MAP3K7CL: variants seen among roughly 807,000 people sequenced by gnomAD.
The protein encoded by MAP3K7CL is MAP3K7 C-terminal-like protein.
In MAP3K7CL, 16 loss-of-function variants were observed where a neutral mutation model predicts 18.6. The observed-to-expected ratio is 0.86, with a 90% CI of 0.58 to 1.31. The LOEUF is 1.31. Among genes scored for constraint, MAP3K7CL ranks in the 50% most tolerant of loss-of-function variants. The probability of loss-of-function intolerance (pLI) is 0.00; values close to 1 mark genes in which losing one functional copy is unlikely to be tolerated. For synonymous variants in MAP3K7CL, 65 were observed against 66.8 expected, an observed-to-expected ratio of 0.97 and a Z score of 0.13; for missense variants, 163 against 174.4, an observed-to-expected ratio of 0.93 and a Z score of 0.37.
chr21:29,144,527 T>G (rs1383493957), intron 2 of MAP3K7CL, among the ~76,000 whole-genome samples: 1 of 152,214 alleles, frequency 6.6e-6, no homozygotes, highest in Non-Finnish European at 1.5e-5. Flanking sequence ...TATGGACTAG[T>G]AAGTGAAGAA....
chr21:29,088,174 C>T (rs928470124), intron 1 of MAP3K7CL, among the ~76,000 whole-genome samples: 7 of 152,076 alleles, frequency 4.6e-5, no homozygotes, highest in Admixed American at 2.6e-4. Flanking sequence ...TAACTCTGAT[C>T]AAGATAGATG....
intron 2 of MAP3K7CL, among the ~76,000 whole-genome samples, chr21:29,134,804 C>G (rs1231191511): frequency 6.6e-6 from 1 of 152,232 alleles, no homozygotes; most frequent in African/African-American, 2.4e-5. Context: ...AATCCCAGCA[C>G]TTTGGGAGGC....
At chr21:29,134,150 A>T (rs1410046250) in intron 2 of MAP3K7CL, among the ~76,000 whole-genome samples, 1 of 151,732 alleles carries the variant, frequency 6.6e-6, no homozygotes, top group African/African-American at 2.4e-5. Flanking sequence ...CAACATTACC[A>T]TTTAAACCTT....
At chr21:29,088,912 C>A (rs1481038637) in intron 1 of MAP3K7CL, among the ~76,000 whole-genome samples, 1 of 152,088 alleles carries the variant, frequency 6.6e-6, no homozygotes, top group Non-Finnish European at 1.5e-5. Context: ...TGGTTCATGC[C>A]TGTAATCCCA....
Position 29,175,461 on chromosome 21 carries a change from A to C in MAP3K7CL, c.*569A>C, listed in dbSNP as rs1242846111. On this transcript the variant is annotated 3_prime_UTR_variant, in exon 5 of 5. Transcript: ENST00000399928. ...AGAATAAATGGTCACATATCCTAAA[A>C]GCTTCTTCATGAAATTATTAGCAGA... 1.3e-5 allele frequency: 2 copies of C among 152,232 alleles called. No individual in the cohort carries two copies. The highest frequency in any genetic ancestry group is 6.5e-5 in the Admixed American group (1 of 15,280). 9.4% of individuals were successfully genotyped at this position (152,232 alleles called of 1,614,324 possible). A position where few individuals can be genotyped will look rare whatever the true frequency, so the allele number is the denominator to read the frequency against.
chr21:29,086,815 G>A (rs2085932844), intron 1 of MAP3K7CL, among the ~76,000 whole-genome samples: 1 of 152,156 alleles, frequency 6.6e-6, no homozygotes, highest in Non-Finnish European at 1.5e-5. Context: ...CATATTGTAT[G>A]TTAGGGTTTT....
At chr21:29,108,434 A>G (rs1421215168) in intron 4 of MAP3K7CL, among the ~76,000 whole-genome samples, 2 of 152,104 alleles carry the variant, frequency 1.3e-5, no homozygotes, top group Non-Finnish European at 2.9e-5. Context: ...AATTTATAGT[A>G]TTTTCTTATG....
At chr21:29,147,540 A>ATATGTGTACTGTATCTGTATTGTATATG (rs2087161202) in intron 2 of MAP3K7CL, among the ~76,000 whole-genome samples, 1 of 151,232 alleles carries the variant, frequency 6.6e-6, no homozygotes, top group African/African-American at 2.4e-5. Flanking sequence ...TTATATATGT[A>ATATGTGTACTGTATCTGTATTGTATATG]TATGTGTACT....
At chr21:29,098,954 G>A (rs977311324) in intron 4 of MAP3K7CL, among the ~76,000 whole-genome samples, 3 of 152,186 alleles carry the variant, frequency 2.0e-5, no homozygotes, top group African/African-American at 7.2e-5. Flanking sequence ...TCTCAAAGAT[G>A]CCAAAGTGGC....
At chr21:29,125,143 T>G (rs1343838342) in intron 4 of MAP3K7CL, among the ~76,000 whole-genome samples, 1 of 152,248 alleles carries the variant, frequency 6.6e-6, no homozygotes, top group Non-Finnish European at 1.5e-5. Flanking sequence ...ATTTACATAG[T>G]GCCTGTTTTA....
chr21:29,121,233 C>G (rs1253640443), intron 4 of MAP3K7CL, among the ~76,000 whole-genome samples: 1 of 151,824 alleles, frequency 6.6e-6, no homozygotes, highest in Non-Finnish European at 1.5e-5. Flanking sequence ...AAAAGGTCTT[C>G]CCTTCATGGG....
intron 4 of MAP3K7CL, among the ~76,000 whole-genome samples, chr21:29,095,688 G>A (rs936336507): frequency 2.6e-5 from 4 of 152,204 alleles, no homozygotes; most frequent in African/African-American, 9.7e-5. Flanking sequence ...CAGTGGTTGA[G>A]AACTGTACAT....
intron 4 of MAP3K7CL, among the ~76,000 whole-genome samples, chr21:29,171,525 A>G (rs2087826225): frequency 1.3e-5 from 2 of 152,190 alleles, no homozygotes; most frequent in African/African-American, 4.8e-5. Context: ...AGTAGTATAG[A>G]GAACTCCCAA....
chr21:29,099,874 G>C (rs1227948654), intron 4 of MAP3K7CL, among the ~76,000 whole-genome samples: 4 of 152,032 alleles, frequency 2.6e-5, no homozygotes, highest in Non-Finnish European at 5.9e-5. Context: ...ACGAGGTCAG[G>C]AGATCGACAC....
Position 29,119,458 on chromosome 21 carries a change from C to A in MAP3K7CL, c.370+26877C>A, listed in dbSNP as rs572028738. ...CTAATGGAGCCATTCTTGTGGCTTT[C>A]AGACCTGCTTCTGTGAGGTCTGGCA... On this transcript the variant is annotated intron_variant, in intron 4 of 6. Transcript: ENST00000286791. 2.0e-5 allele frequency among the ~76,000 whole-genome samples: 3 copies of A among 152,276 alleles called. No individual in the cohort carries two copies. The South Asian group carries it at 6.2e-4, about 32-fold the overall frequency.
intron 4 of MAP3K7CL, among the ~76,000 whole-genome samples, chr21:29,112,220 C>G (rs1011859944): frequency 9.1e-4 from 138 of 152,268 alleles, no homozygotes; most frequent in African/African-American, 3.0e-3. Context: ...ATCGCTTGAA[C>G]CCAGGAGGCA....
chr21:29,081,014 G>A (rs899559064), upstream of MAP3K7CL, among the ~76,000 whole-genome samples: 1 of 152,048 alleles, frequency 6.6e-6, no homozygotes, highest in African/African-American at 2.4e-5. Flanking sequence ...ATTAATTATT[G>A]TGGCTCGCCC....
At chr21:29,112,077 A>G (rs1408685001) in intron 4 of MAP3K7CL, among the ~76,000 whole-genome samples, 2 of 152,114 alleles carry the variant, frequency 1.3e-5, no homozygotes, top group Non-Finnish European at 2.9e-5. Context: ...CGGGAGGATC[A>G]CCTGACGTCA....
rs2087286119 is a variant in MAP3K7CL, at chr21:29,151,946, G to T, written c.132+2696G>T. ...TATTTCATCTTCATTGATCTTTAAT[G>T]AATTAGGCAGTTGAGAGGGTAGTTT... On this transcript the variant is annotated intron_variant, in intron 3 of 4. Transcript: ENST00000399928. Among the ~76,000 whole-genome samples, 3 of 152,038 alleles carry T rather than the reference G, an allele frequency of 2.0e-5. No individual in the cohort carries two copies. The South Asian group carries it at 6.2e-4, about 31-fold the overall frequency.
Sources: allele counts gnomAD v4.1 joint callset (sites outside exome capture counted in the v4.1 genomes callset), GRCh38; gene constraint gnomAD v4.1.1; transcripts MANE v1.5; gene names NCBI Gene and HGNC (gene_info 2026-07-23, HGNC 2026-07-21).